The following LNX2 variants were observed in gnomAD, a reference collection of about 807,000 sequenced individuals.
The protein encoded by LNX2 is ligand of numb-protein X 2.
Under a neutral mutation model 66.2 loss-of-function variants are expected in LNX2, and 35 were observed. The observed-to-expected ratio is 0.53, with a 90% CI of 0.40 to 0.70. The LOEUF (loss-of-function observed/expected upper bound fraction) is 0.70, where lower values mean the gene tolerates loss of function less well. Among genes scored for constraint, LNX2 ranks in the 30% least tolerant of loss-of-function variants. The pLI, the probability that LNX2 is intolerant of heterozygous loss-of-function variation, is 0.00. For missense variants in LNX2, 791 were observed against 850.8 expected, an observed-to-expected ratio of 0.93 and a Z score of 0.87; for synonymous variants, 337 against 315.6, an observed-to-expected ratio of 1.07 and a Z score of -0.72.
chr13:27,548,235 G>A lies in LNX2; in HGVS notation c.*100C>T, dbSNP rs747689803. ...GGTTTTGGCCCTGTGTATACCAGCA[G>A]TGTCAGCAGCTCCTAAACCACAAAC... On this transcript the variant is annotated 3_prime_UTR_variant, in exon 10 of 10. Transcript: ENST00000316334. The A allele has an allele frequency of 5.2e-6, 6 of 1,147,642 alleles. No individual in the cohort carries two copies. In the East Asian group the frequency reaches 7.1e-5, roughly 14 times the overall value. The allele number at this position is 1,147,642 out of a possible 1,614,324, so 71.1% of individuals were successfully genotyped here.
intron 3 of LNX2, 24 bp downstream of exon 3, chr13:27,569,005 C>T (rs773434254): frequency 1.3e-6 from 2 of 1,583,358 alleles, no homozygotes; most frequent in Non-Finnish European, 1.7e-6. Context: ...AGATGAAATA[C>T]ACAAGGAGTT....
intron 9 of LNX2, among the ~76,000 whole-genome samples, chr13:27,549,607 T>C (rs761979972): frequency 2.0e-5 from 3 of 152,218 alleles, no homozygotes; most frequent in Non-Finnish European, 2.9e-5. Flanking sequence ...TCAGTTATCT[T>C]GTTTGTTTTA....
intron 2 of LNX2, among the ~76,000 whole-genome samples, chr13:27,569,738 G>T (rs539832551): frequency 6.6e-6 from 1 of 152,058 alleles, no homozygotes; most frequent in Non-Finnish European, 1.5e-5. Context: ...ACAGACACAC[G>T]ACACGCTCAT....
At chr13:27,585,628 T>C (rs1295061115) in intron 1 of LNX2, among the ~76,000 whole-genome samples, 1 of 152,134 alleles carries the variant, frequency 6.6e-6, no homozygotes, top group African/African-American at 2.4e-5. Context: ...AAACATCCTG[T>C]ATCTCAGCCA....
intron 1 of LNX2, among the ~76,000 whole-genome samples, chr13:27,592,911 T>C (rs1361131672): frequency 6.6e-6 from 1 of 152,194 alleles, no homozygotes; most frequent in Admixed American, 6.5e-5. Context: ...TTGGTGACCT[T>C]GATAGAGTTT....
At chr13:27,563,126 T>C (rs1176702457) in intron 4 of LNX2, among the ~76,000 whole-genome samples, 1 of 152,160 alleles carries the variant, frequency 6.6e-6, no homozygotes, top group Non-Finnish European at 1.5e-5. Context: ...GTAAAATGTG[T>C]TTACTTCATG....
At chr13:27,582,412 C>T (rs887031617) in intron 1 of LNX2, among the ~76,000 whole-genome samples, 6 of 152,084 alleles carry the variant, frequency 3.9e-5, no homozygotes, top group Middle Eastern at 3.2e-3. Flanking sequence ...AAGAAACAAT[C>T]GATTTGTTTT....
chr13:27,572,843 T>C (rs1407818257), intron 2 of LNX2, among the ~76,000 whole-genome samples: 1 of 152,126 alleles, frequency 6.6e-6, no homozygotes, highest in Non-Finnish European at 1.5e-5. Flanking sequence ...CACTGCACAA[T>C]GCCAGGTATT....
At chr13:27,595,686 C>G (rs750296795) in intron 1 of LNX2, among the ~76,000 whole-genome samples, 1 of 152,154 alleles carries the variant, frequency 6.6e-6, no homozygotes, top group Non-Finnish European at 1.5e-5. Context: ...CCTGTAAACC[C>G]GAAAACCCTG....
chr13:27,615,975 A>C lies in LNX2; in HGVS notation c.-101+4400T>G, dbSNP rs545799033. Among the ~76,000 whole-genome samples the C allele has an allele frequency of 2.6e-5, 4 of 152,298 alleles. No individual in the cohort carries two copies. The South Asian group carries it at 8.3e-4, about 32-fold the overall frequency. On this transcript the variant is annotated intron_variant, in intron 1 of 9. Transcript: ENST00000316334. ...GAGTCAAACTCTGCAACATATTTGA[A>C]GAGATTTATCGTGAGCCAAATCTGA...
chr13:27,608,850 G>A (rs1955745464), intron 1 of LNX2, among the ~76,000 whole-genome samples: 1 of 144,458 alleles, frequency 6.9e-6, no homozygotes, highest in African/African-American at 2.5e-5. Flanking sequence ...TGTCATCCAG[G>A]CTGGAGTGCA....
chr13:27,610,195 C>T (rs1377072806), intron 1 of LNX2, among the ~76,000 whole-genome samples: 1 of 152,188 alleles, frequency 6.6e-6, no homozygotes, highest in Non-Finnish European at 1.5e-5. Context: ...ACCACATGCA[C>T]TGTGATACCT....
chr13:27,616,994 C>T (rs1213968847), intron 1 of LNX2, among the ~76,000 whole-genome samples: 1 of 152,074 alleles, frequency 6.6e-6, no homozygotes, highest in East Asian at 1.9e-4. Context: ...CGTGATCGCC[C>T]GCCTCAGCCT....
intron 2 of LNX2, among the ~76,000 whole-genome samples, chr13:27,572,785 G>C (rs1955298225): frequency 6.6e-6 from 1 of 152,126 alleles, no homozygotes; most frequent in Non-Finnish European, 1.5e-5. Flanking sequence ...ATTAATAGTG[G>C]GGGTGGTGGT....
chr13:27,562,838 G>T, intron 4 of LNX2, 57 bp from the exon 5 acceptor site: 1 of 1,546,236 alleles, frequency 6.5e-7, no homozygotes, highest in Non-Finnish European at 8.7e-7. Flanking sequence ...CCAATTTGTA[G>T]GAATGTTTAT....
intron 7 of LNX2, among the ~76,000 whole-genome samples, chr13:27,554,017 G>A (rs1177821497): frequency 1.3e-5 from 2 of 152,162 alleles, no homozygotes; most frequent in East Asian, 3.8e-4. Context: ...GCTCTGCTAA[G>A]TAATATAATA....
At chr13:27,586,038 TTATA>T (rs1357228141) in intron 1 of LNX2, among the ~76,000 whole-genome samples, 2 of 148,060 alleles carry the variant, frequency 1.4e-5, no homozygotes, top group Non-Finnish European at 3.0e-5. Context: ...ATATATATAC[TTATA>T]TATACATATA....
Position 27,559,828 on chromosome 13 carries a change from A to AC in LNX2, c.1368+13_1368+14insG, listed in dbSNP as rs1174960156. ...TCCTTTGATGGTGGCATAAAAAAAA[A>AC]AAAAAATCCTCACCTTATGTGAGCT... is the stretch of plus-strand genomic sequence containing the variant. On this transcript the variant is annotated intron_variant, in intron 6 of 9. Coordinates refer to ENST00000316334, the MANE Select transcript of LNX2 (RefSeq NM_153371.4). 2.0e-6 allele frequency: 3 copies of AC among 1,498,954 alleles called. No homozygotes were observed. Among genetic ancestry groups the AC allele is most frequent in the Middle Eastern group, 3.6e-4 (2 of 5,548 alleles). 92.9% of individuals were successfully genotyped at this position (1,498,954 alleles called of 1,614,324 possible).
At position 27,583,253 on chromosome 13, in the gene LNX2, T is replaced by TGCGCGCGCGCGCGC. The variant is rs1566124862; in HGVS notation, c.-100-1451_-100-1450insGCGCGCGCGCGCGC. Among the ~76,000 whole-genome samples, 3 of 46,924 alleles carry TGCGCGCGCGCGCGC rather than the reference T, an allele frequency of 6.4e-5. 1 individual carries two copies. The highest frequency in any genetic ancestry group is 1.1e-4 in the Non-Finnish European group (3 of 26,536). 30.8% of individuals were successfully genotyped at this position (46,924 alleles called of 152,430 possible). A position where few individuals can be genotyped will look rare whatever the true frequency, so the allele number is the denominator to read the frequency against. On this transcript the variant is annotated intron_variant, in intron 1 of 9. Transcript: ENST00000316334. ...GTGTGTGTGTGTGTGTGTGTGTGTG[T>TGCGCGCGCGCGCGC]GTGCGCGCGTCCTCTCCAACATACT...
Sources: allele counts gnomAD v4.1 joint callset (sites outside exome capture counted in the v4.1 genomes callset), GRCh38; gene constraint gnomAD v4.1.1; transcripts MANE v1.5; gene names NCBI Gene and HGNC (gene_info 2026-07-23, HGNC 2026-07-21).